PCMTD1: variants seen among roughly 807,000 people sequenced by gnomAD.
PCMTD1 encodes the protein protein-L-isoaspartate O-methyltransferase domain-containing protein 1.
Under a neutral mutation model 37.6 loss-of-function variants are expected in PCMTD1, and 12 were observed. The ratio of observed to expected loss-of-function variants is 0.32; its 90% CI spans 0.20 to 0.52. The LOEUF (loss-of-function observed/expected upper bound fraction) is 0.52. PCMTD1 is among the 20% of genes least tolerant of loss of function. The pLI is 0.97. For synonymous variants in PCMTD1, 117 were observed against 135.8 expected, an observed-to-expected ratio of 0.86 and a Z score of 0.96; for missense variants, 235 against 421.3, an observed-to-expected ratio of 0.56 and a Z score of 3.87.
intron 1 of PCMTD1, among the ~76,000 whole-genome samples, chr8:51,890,028 C>T (rs1174029501): frequency 6.6e-6 from 1 of 151,094 alleles, no homozygotes; most frequent in East Asian, 1.9e-4. Flanking sequence ...TTATATAAAG[C>T]CTTTTTGTCA....
chr8:51,827,131 C>A, intron 5 of PCMTD1: 6 of 1,055,934 alleles, frequency 5.7e-6, no homozygotes, highest in Non-Finnish European at 5.8e-6. Context: ...ATTCTCCATA[C>A]ATCCTATTAA....
At chr8:51,871,742 T>TA (rs2038642222) in intron 1 of PCMTD1, among the ~76,000 whole-genome samples, 1 of 152,186 alleles carries the variant, frequency 6.6e-6, no homozygotes, top group South Asian at 2.1e-4. Context: ...ACATGAAAGT[T>TA]ATAGTTTTCT....
intron 1 of PCMTD1, among the ~76,000 whole-genome samples, chr8:51,862,690 C>A (rs2038491092): frequency 6.6e-6 from 1 of 152,104 alleles, no homozygotes. Flanking sequence ...GTCCTCAGGC[C>A]CCTGGCACCA....
intron 1 of PCMTD1, among the ~76,000 whole-genome samples, chr8:51,863,775 A>G (rs1418591482): frequency 6.6e-6 from 1 of 151,996 alleles, no homozygotes; most frequent in Non-Finnish European, 1.5e-5. Context: ...TACAAAAAAA[A>G]ATTTAGCTGG....
chr8:51,896,973 ATGT>A (rs769889303), intron 1 of PCMTD1, among the ~76,000 whole-genome samples: 8 of 151,802 alleles, frequency 5.3e-5, no homozygotes, highest in South Asian at 2.1e-4. Context: ...AATGTCATTT[ATGT>A]TGTTATGAGA....
intron 3 of PCMTD1, among the ~76,000 whole-genome samples, chr8:51,844,213 A>G (rs2038186184): frequency 6.6e-6 from 1 of 152,194 alleles, no homozygotes; most frequent in Non-Finnish European, 1.5e-5. Flanking sequence ...AAAAACTTTT[A>G]TTTCTGCCAA....
intron 5 of PCMTD1, among the ~76,000 whole-genome samples, chr8:51,828,343 T>C (rs577218570): frequency 2.0e-5 from 3 of 152,286 alleles, no homozygotes; most frequent in African/African-American, 7.2e-5. Flanking sequence ...AGAAAACAGT[T>C]TTGTTACTAT....
chr8:51,861,073 C>G lies in PCMTD1; in HGVS notation c.79G>C (p.Glu27Gln). 1 of 1,614,156 alleles carries G rather than the reference C, an allele frequency of 6.2e-7. No homozygotes were observed. The highest frequency in any genetic ancestry group is 8.5e-7 in the Non-Finnish European group (1 of 1,180,028). ...NLKEAQYIRT[E>Q]RVEQAFRAID... Reference sequence around the variant, plus strand: ...GCTCTGAAGGCTTGCTCCACTCTTTCAGTACGAATATACTGAGCTTCTTTT... The same window carrying G: ...GCTCTGAAGGCTTGCTCCACTCTTTGAGTACGAATATACTGAGCTTCTTTT... The change falls in exon 2 of 6, where the codon GAA becomes CAA. Residue 27 changes from glutamate (E) to glutamine (Q), a missense_variant. Coordinates refer to ENST00000522514, the MANE Select transcript of PCMTD1 (RefSeq NM_052937.4).
In PCMTD1 at chr8:51,818,487, A is replaced by G. The variant is rs1337496722; in HGVS notation, c.*1864T>C. The G allele has an allele frequency of 6.5e-6, 1 of 152,742 alleles. No homozygotes were observed. Among genetic ancestry groups the G allele is most frequent in the Non-Finnish European group, 1.5e-5 (1 of 68,438 alleles). 9.5% of individuals were successfully genotyped at this position (152,742 alleles called of 1,614,324 possible). ...GTTTTCCAGATAAAAACATGTGGTC[A>G]CCAGGAATTCAAGGTAACTAGGTAC... On this transcript the variant is annotated 3_prime_UTR_variant, in exon 6 of 6. Transcript: ENST00000522514.
Position 51,820,488 on chromosome 8 carries a change from T to C in PCMTD1, c.937A>G (p.Lys313Glu), listed in dbSNP as rs780339781. 8.7e-6 allele frequency: 14 copies of C among 1,614,104 alleles called. No individual in the cohort carries two copies. The highest frequency in any genetic ancestry group is 1.2e-5 in the Non-Finnish European group (14 of 1,179,984). ...EEDEKMEEDNKEEEEKDHNEA... is the reference protein window; with the variant it reads ...EEDEKMEEDNEEEEEKDHNEA... Reference sequence around the variant, plus strand: ...TTGTGATCTTTTTCCTCCTCTTCTTTGTTATCCTCTTCCATTTTTTCATCC... The same window carrying C: ...TTGTGATCTTTTTCCTCCTCTTCTTCGTTATCCTCTTCCATTTTTTCATCC... Residue 313 changes from lysine (K) to glutamate (E), a missense_variant, in exon 6 of 6, where the codon AAA (lysine) becomes GAA (glutamate). By Grantham distance (56) the Lys-to-Glu change is moderately conservative (BLOSUM62 1). This residue lies in a region of PCMTD1 where 41 missense variants were observed against 36.4 expected (regional missense o/e 1.13). Transcript: ENST00000522514.
intron 1 of PCMTD1, among the ~76,000 whole-genome samples, chr8:51,872,084 C>T (rs894529080): frequency 2.0e-5 from 3 of 151,972 alleles, no homozygotes; most frequent in Admixed American, 6.5e-5. Context: ...ACAGTTTTAG[C>T]GTATAATATT....
At chr8:51,855,174 CA>C (rs1306890644) in intron 2 of PCMTD1, among the ~76,000 whole-genome samples, 20 of 41,902 alleles carry the variant, frequency 4.8e-4, no homozygotes, top group Middle Eastern at 0.018. Flanking sequence ...AACTCCATCT[CA>C]AAAAAAAAAA....
chr8:51,832,110 A>G (rs1200263218), intron 4 of PCMTD1, among the ~76,000 whole-genome samples: 1 of 152,242 alleles, frequency 6.6e-6, no homozygotes, highest in Non-Finnish European at 1.5e-5. Flanking sequence ...TATTAGCTCA[A>G]TACACATCTT....
At chr8:51,833,809 T>C in intron 3 of PCMTD1, 120 bp from the exon 4 acceptor site, 1 of 608,348 alleles carries the variant, frequency 1.6e-6, no homozygotes, top group Middle Eastern at 4.5e-4. Context: ...GATAAAATGA[T>C]TATAAACTTT....
chr8:51,864,884 A>G (rs1289777160), intron 1 of PCMTD1, among the ~76,000 whole-genome samples: 1 of 152,116 alleles, frequency 6.6e-6, no homozygotes, highest in African/African-American at 2.4e-5. Context: ...GAAAGAAAAC[A>G]GAAAAGATCA....
At chr8:51,889,595 A>T (rs1386625403) in intron 1 of PCMTD1, among the ~76,000 whole-genome samples, 1 of 152,220 alleles carries the variant, frequency 6.6e-6, no homozygotes, top group Non-Finnish European at 1.5e-5. Flanking sequence ...AACTGAAGTC[A>T]TTCTGAGTCT....
chr8:51,869,776 T>G (rs559734237), intron 1 of PCMTD1, among the ~76,000 whole-genome samples: 1 of 152,258 alleles, frequency 6.6e-6, no homozygotes, highest in Admixed American at 6.5e-5. Context: ...TTATGTCTGT[T>G]TGAGAAGGAA....
chr8:51,868,762 T>C (rs1179220733), intron 1 of PCMTD1, among the ~76,000 whole-genome samples: 1 of 152,204 alleles, frequency 6.6e-6, no homozygotes, highest in Non-Finnish European at 1.5e-5. Context: ...TATTGCTGAA[T>C]GTGGAAACTG....
chr8:51,852,522 T>C (rs530659939), intron 2 of PCMTD1, among the ~76,000 whole-genome samples: 5 of 152,334 alleles, frequency 3.3e-5, no homozygotes, highest in African/African-American at 9.6e-5. Flanking sequence ...ACAAACATTT[T>C]CCTTTTATTC....
Sources: gnomAD v4.1 joint callset for allele counts (sites outside exome capture counted in the v4.1 genomes callset) on GRCh38, gnomAD v4.1.1 for gene constraint, gnomAD v4.1.1 regional missense constraint, MANE v1.5 for transcripts, NCBI Gene and HGNC (gene_info 2026-07-23, HGNC 2026-07-21) for gene names.